The following KIAA1328 variants were observed in gnomAD, a reference collection of about 807,000 sequenced individuals.
KIAA1328 encodes KIAA1328.
KIAA1328 carries 52 observed loss-of-function variants against 68.1 expected under a neutral mutation model. The ratio of observed to expected loss-of-function variants is 0.76; its 90% confidence interval spans 0.61 to 0.96. KIAA1328 has a LOEUF of 0.96. KIAA1328 is among the 40% of genes least tolerant of loss of function. The pLI is 0.00. For synonymous variants in KIAA1328, 232 were observed against 239.4 expected, an observed-to-expected ratio of 0.97 and a Z score of 0.28; for missense variants, 641 against 677.6, an observed-to-expected ratio of 0.95 and a Z score of 0.60.
intron 4 of KIAA1328, among the ~76,000 whole-genome samples, chr18:36,864,044 A>G (rs1222014244): frequency 2.0e-5 from 3 of 152,162 alleles, no homozygotes; most frequent in African/African-American, 4.8e-5. Flanking sequence ...TTCCAGTGCT[A>G]TGTGAGTAAG....
At chr18:36,997,259 T>A (rs2151436722) in intron 6 of KIAA1328, among the ~76,000 whole-genome samples, 2 of 152,362 alleles carry the variant, frequency 1.3e-5, no homozygotes, top group South Asian at 4.1e-4. Context: ...TTTTGATGAT[T>A]TAACACTTGT....
Position 37,222,059 on chromosome 18 carries a change from A to G in KIAA1328, c.1566A>G (p.Pro522=), listed in dbSNP as rs1244152134. The change falls in exon 10 of 10, where the codon CCA becomes CCG. Residue 522 remains proline, a synonymous_variant. Transcript: ENST00000280020. ...TGGATTTGGTTCAGTCTCTGAGCCC[A>G]AACTCTGCGCCCAAACCTCAGCGCT... The part of the protein sequence containing the change: ...SLLDLVQSLS[P]NSAPKPQRYP... 1 of 1,613,610 alleles carries G rather than the reference A, an allele frequency of 6.2e-7. No homozygotes were observed. The highest frequency in any genetic ancestry group is 1.7e-5 in the Admixed American group (1 of 59,994).
chr18:37,113,408 A>G (rs2057999880), intron 7 of KIAA1328, among the ~76,000 whole-genome samples: 1 of 152,196 alleles, frequency 6.6e-6, no homozygotes, highest in Non-Finnish European at 1.5e-5. Context: ...CAGCCAAACT[A>G]AGCTTCATAA....
At chr18:37,197,576 A>C (rs2060027631) in intron 9 of KIAA1328, among the ~76,000 whole-genome samples, 1 of 152,150 alleles carries the variant, frequency 6.6e-6, no homozygotes, top group South Asian at 2.1e-4. Flanking sequence ...GCTGAAAATG[A>C]GATTAATTCA....
chr18:37,035,791 C>T (rs1283550344), intron 6 of KIAA1328, among the ~76,000 whole-genome samples: 2 of 152,136 alleles, frequency 1.3e-5, no homozygotes, highest in African/African-American at 2.4e-5. Flanking sequence ...TCAGCACACA[C>T]AATAAAAGAG....
At chr18:37,167,937 T>C (rs1294974189) in intron 8 of KIAA1328, among the ~76,000 whole-genome samples, 3 of 151,684 alleles carry the variant, frequency 2.0e-5, no homozygotes, top group Admixed American at 2.0e-4. Flanking sequence ...TATAGACCAG[T>C]ATTCTTTATG....
intron 8 of KIAA1328, among the ~76,000 whole-genome samples, chr18:37,166,584 C>A (rs2059393862): frequency 6.6e-6 from 1 of 152,152 alleles, no homozygotes; most frequent in Non-Finnish European, 1.5e-5. Context: ...AAGATGGCAG[C>A]CTGAGTTCCA....
At chr18:37,197,248 G>A (rs2060021103) in intron 9 of KIAA1328, among the ~76,000 whole-genome samples, 1 of 151,286 alleles carries the variant, frequency 6.6e-6, no homozygotes, top group African/African-American at 2.4e-5. Flanking sequence ...TGTTGATTTT[G>A]TTTATCTTTT....
chr18:37,182,592 G>A (rs2059718607), intron 9 of KIAA1328, among the ~76,000 whole-genome samples: 1 of 152,162 alleles, frequency 6.6e-6, no homozygotes, highest in South Asian at 2.1e-4. Flanking sequence ...AAGCAATCAG[G>A]AACAAGCTAG....
chr18:37,145,999 A>G (rs1244760842), intron 7 of KIAA1328, among the ~76,000 whole-genome samples: 1 of 151,872 alleles, frequency 6.6e-6, no homozygotes, highest in Non-Finnish European at 1.5e-5. Context: ...CCCCGCTCCC[A>G]ATTTATTAGT....
intron 7 of KIAA1328, among the ~76,000 whole-genome samples, chr18:37,117,217 A>T (rs2058135764): frequency 6.6e-6 from 1 of 152,340 alleles, no homozygotes; most frequent in Non-Finnish European, 1.5e-5. Context: ...GGCACTATTC[A>T]CAATAGCAAA....
At position 37,002,479 on chromosome 18, in the gene KIAA1328, A is replaced by G. The variant is rs568337526; in HGVS notation, c.576+43044A>G. Reference sequence around the variant, plus strand: ...TAGTGATCCTACCACCTTGCTTCCCAAAGTTTTGGGAATATAGATGTGAGC... The same window carrying G: ...TAGTGATCCTACCACCTTGCTTCCCGAAGTTTTGGGAATATAGATGTGAGC... On this transcript the variant is annotated intron_variant, in intron 6 of 9. Transcript: ENST00000280020. Among the ~76,000 whole-genome samples, 150 of 151,572 alleles carry G rather than the reference A, an allele frequency of 9.9e-4. 2 individuals are homozygous for G. Among genetic ancestry groups the G allele is most frequent in the African/African-American group, 3.6e-3 (148 of 41,316 alleles).
intron 7 of KIAA1328, among the ~76,000 whole-genome samples, chr18:37,083,624 C>A (rs2057014250): frequency 1.3e-5 from 2 of 152,106 alleles, no homozygotes; most frequent in African/African-American, 4.8e-5. Context: ...TCTTCCAGTT[C>A]TTTTGGAAGA....
intron 6 of KIAA1328, among the ~76,000 whole-genome samples, chr18:36,980,183 T>C (rs1008074738): frequency 2.0e-5 from 3 of 152,228 alleles, no homozygotes; most frequent in Non-Finnish European, 4.4e-5. Flanking sequence ...AATTTCTCTT[T>C]TTTTATAAAT....
At chr18:37,072,694 G>A (rs538983740) in intron 7 of KIAA1328, among the ~76,000 whole-genome samples, 52 of 152,148 alleles carry the variant, frequency 3.4e-4, no homozygotes, top group Non-Finnish European at 1.9e-4. Flanking sequence ...AGAGCGTACA[G>A]GTTTATTACA....
chr18:36,829,261 C>A (rs556842203), intron 1 of KIAA1328, 65 bp downstream of exon 1: 3 of 1,454,588 alleles, frequency 2.1e-6, no homozygotes, highest in Non-Finnish European at 2.7e-6. Context: ...GGCGAGCCGT[C>A]GCGTGGCAGT....
chr18:36,943,996 A>G (rs555426531), intron 5 of KIAA1328, among the ~76,000 whole-genome samples: 9 of 152,348 alleles, frequency 5.9e-5, no homozygotes, highest in Admixed American at 4.6e-4. Context: ...TAGTAGGACG[A>G]TAAACTTTCT....
chr18:37,088,384 T>A (rs2057167902), intron 7 of KIAA1328, among the ~76,000 whole-genome samples: 1 of 152,142 alleles, frequency 6.6e-6, no homozygotes, highest in Admixed American at 6.5e-5. Flanking sequence ...TAAACCATAT[T>A]TGGCAATTTA....
At chr18:37,008,619 A>G (rs1453354683) in intron 6 of KIAA1328, among the ~76,000 whole-genome samples, 2 of 152,214 alleles carry the variant, frequency 1.3e-5, no homozygotes, top group African/African-American at 4.8e-5. Flanking sequence ...AAGACTTTAA[A>G]GCAGCTATTA....
Sources: gnomAD v4.1 joint callset for allele counts (sites outside exome capture counted in the v4.1 genomes callset) on GRCh38, gnomAD v4.1.1 for gene constraint, MANE v1.5 for transcripts, NCBI Gene and HGNC (gene_info 2026-07-23, HGNC 2026-07-21) for gene names.